Variants in XIAP observed in about 807,000 individuals in gnomAD.
XIAP encodes the protein E3 ubiquitin-protein ligase XIAP.
Under a neutral mutation model 33.1 loss-of-function variants are expected in XIAP, and 3 were observed. The ratio of observed to expected loss-of-function variants is 0.09; its 90% CI spans 0.04 to 0.23. The LOEUF (loss-of-function observed/expected upper bound fraction) is 0.23, where lower values mean the gene tolerates loss of function less well. Ranked by LOEUF, XIAP falls within the 10% of genes least tolerant of loss-of-function variation. The pLI is 1.00. For missense variants in XIAP, 264 were observed against 363.0 expected (o/e 0.73, Z 2.22); for synonymous variants, 98 against 121.3 (o/e 0.81, Z 1.26).
At position 123,907,013 on chromosome X, in the gene XIAP, G is replaced by A; in HGVS notation, c.1326G>A (p.Arg442=). The stretch of plus-strand genomic sequence containing the variant: ...AGATTAGTACTGAAGAGCAGCTAAG[G>A]CGCCTGCAAGAGGAGAAGCTTTGCA... ...QKEISTEEQL[R]RLQEEKLCKI... is the part of the protein sequence containing the mutation. Residue 442 remains arginine (R), a synonymous_variant, in exon 7 of 7, where the codon AGG becomes AGA. Coordinates refer to ENST00000371199, the MANE Select transcript of XIAP (RefSeq NM_001167.4). 3 of 1,211,494 alleles carry A rather than the reference G, an allele frequency of 2.5e-6. No individual in the cohort carries two copies. The South Asian group carries it at 5.3e-5, about 21-fold the overall frequency.
At chrX:123,883,015 G>A (rs937468503) in intron 1 of XIAP, among the ~76,000 whole-genome samples, 1 of 109,147 alleles carries the variant, frequency 9.2e-6, no homozygotes, top group African/African-American at 3.3e-5. Flanking sequence ...GGCTGGTCTC[G>A]AACTCCTGAC....
At chrX:123,892,511 C>T (rs1426506994) in intron 4 of XIAP, among the ~76,000 whole-genome samples, 1 of 111,705 alleles carries the variant, frequency 9.0e-6, no homozygotes, top group Non-Finnish European at 1.9e-5. Context: ...CATTCATTCT[C>T]CCTGGGCCTC....
chrX:123,899,464 C>A (rs1449859569), intron 5 of XIAP, among the ~76,000 whole-genome samples: 1 of 106,585 alleles, frequency 9.4e-6, no homozygotes, highest in African/African-American at 3.4e-5. Context: ...GTGTGACTAT[C>A]CCCCAGATTA....
At chrX:123,866,450 T>C (rs2053135912) in intron 1 of XIAP, among the ~76,000 whole-genome samples, 1 of 101,291 alleles carries the variant, frequency 9.9e-6, no homozygotes, top group Non-Finnish European at 2.0e-5. Context: ...ATATATAATA[T>C]ATATGATATA....
chrX:123,875,755 G>A (rs945010722), intron 1 of XIAP, among the ~76,000 whole-genome samples: 2 of 108,563 alleles, frequency 1.8e-5, no homozygotes, highest in African/African-American at 3.4e-5. Flanking sequence ...GCACCATCTC[G>A]GTTCACTGCA....
At chrX:123,869,362 CAAAAAAAAAA>C (rs57436822) in intron 1 of XIAP, among the ~76,000 whole-genome samples, 1 of 29,723 alleles carries the variant, frequency 3.4e-5, no homozygotes, top group African/African-American at 1.5e-4. Flanking sequence ...TAAAAAAATA[CAAAAAAAAAA>C]AAAAAAAAAA....
chrX:123,895,014 T>G (rs761022328), intron 5 of XIAP, among the ~76,000 whole-genome samples: 2 of 111,317 alleles, frequency 1.8e-5, no homozygotes, highest in African/African-American at 6.5e-5. Flanking sequence ...TTCAGCTCCA[T>G]GACTGCTCCT....
At chrX:123,900,817 T>C in intron 6 of XIAP, 124 bp downstream of exon 6, 1 of 602,143 alleles carries the variant, frequency 1.7e-6, no homozygotes, top group Admixed American at 2.5e-5. Context: ...ACCTTAATGC[T>C]GTGTGTTAGT....
Position 123,912,244 on chromosome X carries a change from AAAAAAAAT to A in XIAP, c.*5065_*5072del. ...AAAAAAAAAAGACCACACAATAAAA[AAAAAAAAT>A]ACAAAATAATACAAAGAAAAAGCCA... On this transcript the variant is annotated 3_prime_UTR_variant, in exon 7 of 7. Coordinates refer to ENST00000371199, the MANE Select transcript of XIAP (RefSeq NM_001167.4). 1 of 295,373 alleles carries A rather than the reference AAAAAAAAT, an allele frequency of 3.4e-6. No homozygotes were observed. The highest frequency in any genetic ancestry group is 6.3e-6 in the Non-Finnish European group (1 of 159,847). 24.3% of individuals were successfully genotyped at this position (295,373 alleles called of 1,213,427 possible). A position where few individuals can be genotyped will look rare whatever the true frequency, so the allele number is the denominator to read the frequency against.
intron 1 of XIAP, among the ~76,000 whole-genome samples, chrX:123,867,693 G>A (rs1197113774): frequency 2.0e-5 from 1 of 49,035 alleles, no homozygotes; most frequent in African/African-American, 9.2e-5. Context: ...TTTTTTTTGA[G>A]ACGGAGTTTT....
chrX:123,911,903 C>T lies in XIAP; in HGVS notation c.*4722C>T. ...AAGTGACCTTAGAGAGTATCCAGTT[C>T]TTTCATTTTACAGGTGAGGCAACTG... On this transcript the variant is annotated 3_prime_UTR_variant, in exon 7 of 7. Coordinates refer to ENST00000371199, the MANE Select transcript of XIAP (RefSeq NM_001167.4). 3.0e-6 allele frequency: 1 copy of T among 328,712 alleles called. No individual in the cohort carries two copies. Among genetic ancestry groups the T allele is most frequent in the Non-Finnish European group, 5.9e-6 (1 of 169,888 alleles). 27.1% of individuals were successfully genotyped at this position (328,712 alleles called of 1,213,427 possible).
At position 123,884,423 on chromosome X, in the gene XIAP, G is replaced by T. The variant is rs750540393; in HGVS notation, c.-32-1208G>T. On this transcript the variant is annotated intron_variant, in intron 1 of 6. Transcript: ENST00000371199. ...TGCTTGAACCTGGGAGGCGGAGGTC[G>T]CATGAACCAGTATCACACCATTGCA... Among the ~76,000 whole-genome samples, 4 of 108,068 alleles carry T rather than the reference G, an allele frequency of 3.7e-5. No homozygotes were observed. In the East Asian group the frequency reaches 1.1e-3, roughly 31 times the overall value. 93.8% of individuals were successfully genotyped at this position (108,068 alleles called of 115,157 possible).
chrX:123,862,200 C>T (rs1334494198), intron 1 of XIAP, among the ~76,000 whole-genome samples: 3 of 108,781 alleles, frequency 2.8e-5, no homozygotes, highest in African/African-American at 1.0e-4. Flanking sequence ...TCCCCAGTAG[C>T]TAGGACTACA....
chrX:123,881,602 A>G (rs1158581676), intron 1 of XIAP, among the ~76,000 whole-genome samples: 1 of 111,339 alleles, frequency 9.0e-6, no homozygotes, highest in Non-Finnish European at 1.9e-5. Flanking sequence ...CATGGAAACA[A>G]CCTCTGGGAA....
intron 1 of XIAP, among the ~76,000 whole-genome samples, chrX:123,884,348 G>A (rs928604846): frequency 1.8e-5 from 2 of 110,819 alleles, no homozygotes; most frequent in Non-Finnish European, 3.8e-5. Context: ...GCCGGGCATG[G>A]TGGCGCATGC....
intron 1 of XIAP, among the ~76,000 whole-genome samples, chrX:123,870,758 A>C (rs5958323): frequency 0.38 from 42,287 of 110,016 alleles, 6,240 homozygotes; most frequent in African/African-American, 0.49. Context: ...ACTGCACTCC[A>C]GTCTGGGCGA....
At chrX:123,881,864 G>A (rs1244702081) in intron 1 of XIAP, among the ~76,000 whole-genome samples, 2 of 107,367 alleles carry the variant, frequency 1.9e-5, no homozygotes, top group African/African-American at 3.4e-5. Flanking sequence ...GGTGATTCTC[G>A]TCCCTTGGCC....
In XIAP at chrX:123,910,715, A is replaced by T. The variant is rs1455800592; in HGVS notation, c.*3534A>T. On this transcript the variant is annotated 3_prime_UTR_variant, in exon 7 of 7. Coordinates refer to ENST00000371199, the MANE Select transcript of XIAP (RefSeq NM_001167.4). ...AAACCCCGTCTCTACTAAAAAACAG[A>T]AAATTAGCCGGGCGTGGTGGCGGGC... 1 of 288,404 alleles carries T rather than the reference A, an allele frequency of 3.5e-6. No homozygotes were observed. Among genetic ancestry groups the T allele is most frequent in the Non-Finnish European group, 6.5e-6 (1 of 152,746 alleles). 23.8% of individuals were successfully genotyped at this position (288,404 alleles called of 1,213,427 possible).
intron 1 of XIAP, chrX:123,874,013 CA>C (rs934416774): frequency 1.8e-5 from 2 of 109,974 alleles, no homozygotes; most frequent in African/African-American, 6.6e-5. Context: ...TCAGGATAGG[CA>C]AAAAGATAAG....
Sources: gnomAD v4.1 joint callset for allele counts (sites outside exome capture counted in the v4.1 genomes callset) on GRCh38, gnomAD v4.1.1 for gene constraint, MANE v1.5 for transcripts, NCBI Gene and HGNC (gene_info 2026-07-23, HGNC 2026-07-21) for gene names.